Variants in MALRD1 observed in about 807,000 individuals in gnomAD.
The protein encoded by MALRD1 is MAM and LDL receptor class A domain containing 1, also known as MAM and LDL-receptor class A domain-containing protein 1.
MALRD1 carries 247 observed loss-of-function variants against 242.1 expected under a neutral mutation model. The observed-to-expected ratio is 1.02, with a 90% CI of 0.92 to 1.13. MALRD1 has a LOEUF of 1.13. MALRD1 is among the 50% of genes most tolerant of loss of function. The pLI is 0.00. For synonymous variants in MALRD1, 995 were observed against 866.6 expected (o/e 1.15, Z -2.60); for missense variants, 2,989 against 2,533.1 (o/e 1.18, Z -3.86).
chr10:19,152,838 C>G (rs1003602436), intron 11 of MALRD1, among the ~76,000 whole-genome samples: 4 of 151,862 alleles, frequency 2.6e-5, no homozygotes, highest in African/African-American at 9.7e-5. Context: ...CTACACTCAC[C>G]AGACCTTTAA....
chr10:19,386,734 A>ACT lies in MALRD1; in HGVS notation c.4442-793_4442-792insTC, dbSNP rs1355090918. ...TACATATACATATACACACACACAC[A>ACT]CACACACAATACTCTTTTAAATTAG... On this transcript the variant is annotated intron_variant, in intron 26 of 39. Coordinates refer to ENST00000454679, the MANE Select transcript of MALRD1 (RefSeq NM_001142308.3). Among the ~76,000 whole-genome samples, 3 of 151,758 alleles carry ACT rather than the reference A, an allele frequency of 2.0e-5. No homozygotes were observed. In the East Asian group the frequency reaches 5.8e-4, roughly 30 times the overall value.
Position 19,205,216 on chromosome 10 carries a change from A to G in MALRD1, c.2529A>G (p.Leu843=), listed in dbSNP as rs759423761. The G allele has an allele frequency of 1.5e-5, 24 of 1,550,918 alleles. No homozygotes were observed. Among genetic ancestry groups the G allele is most frequent in the Non-Finnish European group, 1.7e-5 (19 of 1,147,052 alleles). ...HTRACIEKLR[L]CDLVDDCGDR... is the part of the protein sequence containing the mutation. ...GGGCTTGCATAGAAAAGCTTCGGTT[A>G]TGTGATCTGGTGGATGACTGTGGTG... The change falls in exon 17 of 40, where the codon TTA becomes TTG. Residue 843 remains leucine (L), a synonymous_variant. Coordinates refer to ENST00000454679, the MANE Select transcript of MALRD1 (RefSeq NM_001142308.3).
At chr10:19,544,899 T>G (rs1004719204) in intron 32 of MALRD1, among the ~76,000 whole-genome samples, 1 of 152,214 alleles carries the variant, frequency 6.6e-6, no homozygotes, top group African/African-American at 2.4e-5. Flanking sequence ...TGCTCACCAC[T>G]CTTTATTAAT....
chr10:19,143,645 C>T (rs1833625988), intron 10 of MALRD1, among the ~76,000 whole-genome samples: 1 of 152,142 alleles, frequency 6.6e-6, no homozygotes, highest in Admixed American at 6.5e-5. Flanking sequence ...TTTTGTATTC[C>T]AGGGAAGTGT....
At chr10:19,350,690 G>T (rs1481584793) in intron 25 of MALRD1, among the ~76,000 whole-genome samples, 1 of 152,180 alleles carries the variant, frequency 6.6e-6, no homozygotes, top group East Asian at 1.9e-4. Context: ...TAACCTGATG[G>T]CATCATTCAG....
At chr10:19,094,581 C>G (rs1044429884) in intron 4 of MALRD1, among the ~76,000 whole-genome samples, 2 of 151,674 alleles carry the variant, frequency 1.3e-5, no homozygotes, top group Non-Finnish European at 2.9e-5. Context: ...AGCTGTAGAC[C>G]GGAGCTGTTC....
At chr10:19,234,306 C>G (rs968008440) in intron 18 of MALRD1, among the ~76,000 whole-genome samples, 17 of 151,930 alleles carry the variant, frequency 1.1e-4, no homozygotes, top group African/African-American at 3.9e-4. Context: ...AAAATTTTAT[C>G]ATATCTTAAA....
intron 28 of MALRD1, among the ~76,000 whole-genome samples, chr10:19,412,034 C>T (rs1479304600): frequency 6.6e-6 from 1 of 152,182 alleles, no homozygotes; most frequent in African/African-American, 2.4e-5. Flanking sequence ...TGCAGTGACT[C>T]ACACCTGCAA....
Position 19,716,475 on chromosome 10 carries a change from T to G in MALRD1, c.6315-14231T>G, listed in dbSNP as rs542481496. Reference sequence around the variant, plus strand: ...ATGCCTGCTTCCACCTGACTGTATATTTCCTCAGGCATCCCCAGAAACAGA... The same window carrying G: ...ATGCCTGCTTCCACCTGACTGTATAGTTCCTCAGGCATCCCCAGAAACAGA... On this transcript the variant is annotated intron_variant, in intron 38 of 39. Transcript: ENST00000454679. Among the ~76,000 whole-genome samples, 10 of 152,310 alleles carry G rather than the reference T, an allele frequency of 6.6e-5. No individual in the cohort carries two copies. In the South Asian group the frequency reaches 2.1e-3, roughly 32 times the overall value.
intron 26 of MALRD1, among the ~76,000 whole-genome samples, chr10:19,369,883 C>T (rs1845298152): frequency 6.6e-6 from 1 of 151,696 alleles, no homozygotes; most frequent in Non-Finnish European, 1.5e-5. Context: ...TTAATTGTGT[C>T]TTCTGATGAT....
intron 28 of MALRD1, among the ~76,000 whole-genome samples, chr10:19,426,280 T>C (rs1285204805): frequency 3.3e-5 from 5 of 152,268 alleles, no homozygotes; most frequent in African/African-American, 1.2e-4. Context: ...AGAGCTGGAT[T>C]ATTTCTGTTA....
At chr10:19,460,330 G>A (rs1309175966) in intron 29 of MALRD1, among the ~76,000 whole-genome samples, 1 of 152,018 alleles carries the variant, frequency 6.6e-6, no homozygotes, top group African/African-American at 2.4e-5. Flanking sequence ...TAAAGAAACA[G>A]TTAACAACCA....
At chr10:19,524,475 A>T (rs2131326725) in intron 31 of MALRD1, among the ~76,000 whole-genome samples, 1 of 152,218 alleles carries the variant, frequency 6.6e-6, no homozygotes, top group South Asian at 2.1e-4. Flanking sequence ...AGAAAAAAAA[A>T]AAATTGCAGA....
rs1037237250 is a variant in MALRD1 at position 19,155,182 on chromosome 10, T to C, written c.1656+10T>C. ...CTCTACCCCATGTCAGGTAATCAAC[T>C]GTTCTGAATTTCCACTGGCCATTCT... On this transcript the variant is annotated intron_variant, in intron 12 of 39. Coordinates refer to ENST00000454679, the MANE Select transcript of MALRD1 (RefSeq NM_001142308.3). The C allele has an allele frequency of 9.0e-6, 11 of 1,226,626 alleles. No individual in the cohort carries two copies. The South Asian group carries it at 3.3e-4, about 37-fold the overall frequency. The allele number at this position is 1,226,626 out of a possible 1,614,324, so 76.0% of individuals were successfully genotyped here. A position where few individuals can be genotyped will look rare whatever the true frequency, so the allele number is the denominator to read the frequency against.
At chr10:19,325,006 C>CTTTTTTTTTTT (rs34290618) in intron 22 of MALRD1, among the ~76,000 whole-genome samples, 19 of 77,964 alleles carry the variant, frequency 2.4e-4, no homozygotes, top group East Asian at 8.5e-4. Context: ...TCAGTAGTTG[C>CTTTTTTTTTTT]TTTTTTTTTT....
At chr10:19,197,774 A>AC (rs1202516791) in intron 14 of MALRD1, among the ~76,000 whole-genome samples, 1 of 152,020 alleles carries the variant, frequency 6.6e-6, no homozygotes, top group Non-Finnish European at 1.5e-5. Flanking sequence ...TTTTACCATT[A>AC]CTTATTTATC....
chr10:19,453,915 A>G (rs1422636430), intron 29 of MALRD1, among the ~76,000 whole-genome samples: 3 of 151,788 alleles, frequency 2.0e-5, no homozygotes, highest in Admixed American at 6.6e-5. Flanking sequence ...TAAGCCAAGC[A>G]TTGTGGCTTG....
intron 18 of MALRD1, among the ~76,000 whole-genome samples, chr10:19,225,023 A>G (rs1006531041): frequency 1.3e-5 from 2 of 152,176 alleles, no homozygotes. Flanking sequence ...TATAAGGTGT[A>G]AGGAAGGGGT....
At chr10:19,574,153 A>T (rs1207907127) in intron 33 of MALRD1, among the ~76,000 whole-genome samples, 1 of 152,194 alleles carries the variant, frequency 6.6e-6, no homozygotes, top group Admixed American at 6.5e-5. Flanking sequence ...TTCGTTAATG[A>T]ATAGAGACTC....
Sources: allele counts gnomAD v4.1 joint callset (sites outside exome capture counted in the v4.1 genomes callset), GRCh38; gene constraint gnomAD v4.1.1; transcripts MANE v1.5; gene names NCBI Gene and HGNC (gene_info 2026-07-23, HGNC 2026-07-21).